NUAK2: variants seen among roughly 807,000 people sequenced by gnomAD.
NUAK2 encodes the protein NUAK family SNF1-like kinase 2.
NUAK2 carries 20 observed loss-of-function variants against 29.8 expected under a neutral mutation model. The observed-to-expected ratio is 0.67, with a 90% CI of 0.47 to 0.98. The LOEUF (loss-of-function observed/expected upper bound fraction) is 0.98, where lower values mean the gene tolerates loss of function less well. Ranked by LOEUF, NUAK2 falls within the 50% of genes least tolerant of loss-of-function variation. The probability of loss-of-function intolerance (pLI) is 0.00; values close to 1 mark genes in which losing one functional copy is unlikely to be tolerated. For missense variants in NUAK2, 719 were observed against 834.5 expected (o/e 0.86, Z 1.71); for synonymous variants, 331 against 342.6 (o/e 0.97, Z 0.37).
At chr1:205,320,343 C>G (rs1367758298) in intron 1 of NUAK2, among the ~76,000 whole-genome samples, 2 of 152,218 alleles carry the variant, frequency 1.3e-5, no homozygotes, top group South Asian at 2.1e-4. Flanking sequence ...CGGCTCACTG[C>G]AAGCTCCGCC....
At chr1:205,321,331 C>G in intron 1 of NUAK2, 67 bp downstream of exon 1, 1 of 1,391,472 alleles carries the variant, frequency 7.2e-7, no homozygotes, top group Non-Finnish European at 9.6e-7. Flanking sequence ...GCCGCCCGCC[C>G]TCCTCCGCTC....
In NUAK2 at chr1:205,303,964, C is replaced by T; in HGVS notation, c.1373G>A (p.Gly458Asp). 6.2e-7 allele frequency: 1 copy of T among 1,613,944 alleles called. No individual in the cohort carries two copies. Among genetic ancestry groups the T allele is most frequent in the Non-Finnish European group, 8.5e-7 (1 of 1,179,990 alleles). The change falls in exon 7 of 7, where the codon GGC (glycine) becomes GAC (aspartate). Residue 458 changes from glycine to aspartate, a missense_variant. Physicochemically the swap from Gly to Asp is moderately conservative, Grantham distance 94. Around this residue, in one of 3 missense-constraint regions of NUAK2, gnomAD observed 430 missense variants for 465.7 expected, o/e 0.92. Coordinates refer to ENST00000367157, the MANE Select transcript of NUAK2 (RefSeq NM_030952.3). Reference protein sequence around the residue: ...ILKKPRQRESGYYSSPEPSES... With the variant: ...ILKKPRQRESDYYSSPEPSES... ...ACTGGGCTCGGGAGAGGAGTAGTAG[C>T]CAGACTCGCGCTGTCGGGGCTTCTT... is the stretch of plus-strand genomic sequence containing the variant.
rs1574890505 is a variant in NUAK2 at position 205,305,522 on chromosome 1, A to G, written c.691-191T>C. The G allele has an allele frequency of 4.1e-6, 4 of 985,304 alleles. No individual in the cohort carries two copies. In the East Asian group the frequency reaches 4.5e-4, roughly 112 times the overall value. The allele number at this position is 985,304 out of a possible 1,614,324, so 61.0% of individuals were successfully genotyped here. A position where few individuals can be genotyped will look rare whatever the true frequency, so the allele number is the denominator to read the frequency against. ...CCTGCGAGGGACAGCCACAAGCACAAGAGCTACAGCCAGGTCATCTCTTCC... is the reference window on the plus strand; with the variant it reads ...CCTGCGAGGGACAGCCACAAGCACAGGAGCTACAGCCAGGTCATCTCTTCC... On this transcript the variant is annotated intron_variant, in intron 5 of 6. Coordinates refer to ENST00000367157, the MANE Select transcript of NUAK2 (RefSeq NM_030952.3).
rs1662083613 is a variant in NUAK2 at position 205,302,206 on chromosome 1, T to C, written c.*1244A>G. ...GTGGAAATAGTTGCAAAAATATCTCTCTGTACACAAAACTTAGATGTCATA... is the reference window on the plus strand; with the variant it reads ...GTGGAAATAGTTGCAAAAATATCTCCCTGTACACAAAACTTAGATGTCATA... On this transcript the variant is annotated 3_prime_UTR_variant, in exon 7 of 7. Transcript: ENST00000367157. 1 of 152,594 alleles carries C rather than the reference T, an allele frequency of 6.6e-6. No homozygotes were observed. Among genetic ancestry groups the C allele is most frequent in the Admixed American group, 6.5e-5 (1 of 15,280 alleles). 9.5% of individuals were successfully genotyped at this position (152,594 alleles called of 1,614,324 possible). A position where few individuals can be genotyped will look rare whatever the true frequency, so the allele number is the denominator to read the frequency against.
chr1:205,316,466 C>T (rs1662330520), intron 1 of NUAK2, among the ~76,000 whole-genome samples: 1 of 152,106 alleles, frequency 6.6e-6, no homozygotes, highest in South Asian at 2.1e-4. Flanking sequence ...ACTTCCTTTG[C>T]CCATAGGAGG....
rs368322230 is a variant in NUAK2 at position 205,321,593 on chromosome 1, G to C, written c.36C>G (p.Pro12=). 22 of 1,612,272 alleles carry C rather than the reference G, an allele frequency of 1.4e-5. No individual in the cohort carries two copies. Among genetic ancestry groups the C allele is most frequent in the Non-Finnish European group, 1.9e-5 (22 of 1,179,770 alleles). The change falls in exon 1 of 7, where the codon CCC becomes CCG. Residue 12 remains proline, a synonymous_variant. Transcript: ENST00000367157. ...GGGCTAGCTCTGCGGCCGAGGGAGT[G>C]GGGCCGGAGCGCCGCGCGAAAACCA... The part of the protein sequence containing the change: ...ESLVFARRSG[P]TPSAAELARP...
rs764446254 is a variant in NUAK2, at chr1:205,308,675, A to G, written c.410T>C (p.Leu137Pro). 1.2e-6 allele frequency: 2 copies of G among 1,614,110 alleles called. No homozygotes were observed. The highest frequency in any genetic ancestry group is 1.7e-6 in the Non-Finnish European group (2 of 1,180,018). Residue 137 changes from leucine to proline, a missense_variant, in exon 3 of 7, where the codon CTT (leucine) becomes CCT (proline). By Grantham distance (98) the Leu-to-Pro change is moderately conservative. This residue lies in a region of NUAK2 where 283 missense variants were observed against 345.6 expected (regional missense o/e 0.82). Transcript: ENST00000367157. The surrounding 1 kb of genome is among the most constrained non-coding windows in gnomAD (Gnocchi z 4.1). Reference protein sequence around the residue: ...IVMEYASRGDLYDYISERQQL... With the variant: ...IVMEYASRGDPYDYISERQQL... ...CTGCCGCTCGCTGATGTAGTCATAA[A>G]GGTCGCCCCGGCTGGCATACTCCAT...
intron 1 of NUAK2, among the ~76,000 whole-genome samples, chr1:205,318,827 C>T (rs988983904): frequency 1.3e-5 from 2 of 152,248 alleles, no homozygotes; most frequent in Non-Finnish European, 2.9e-5. Context: ...CCTCCTAGAG[C>T]AGCCATTAGT....
Position 205,303,585 on chromosome 1 carries a change from G to C in NUAK2, c.1752C>G (p.Pro584=), listed in dbSNP as rs1474282946. ...TCAGGCAGCTTCCAGGGCCCTCTGA[G>C]GGGGGCTCCTCAAGCCCCGTGAGGT... is the stretch of plus-strand genomic sequence containing the variant. ...VDNLTGLEEP[P]SEGPGSCLRR... The change falls in exon 7 of 7, where the codon CCC becomes CCG. Residue 584 remains proline, a synonymous_variant. Transcript: ENST00000367157. 2.5e-6 allele frequency: 4 copies of C among 1,613,108 alleles called. No homozygotes were observed. Among genetic ancestry groups the C allele is most frequent in the South Asian group, 1.1e-5 (1 of 90,976 alleles).
In NUAK2 at chr1:205,304,292, T is replaced by C; in HGVS notation, c.1045A>G (p.Lys349Glu). The change falls in exon 7 of 7, where the codon AAG becomes GAG. Residue 349 changes from lysine (K) to glutamate (E), a missense_variant. Transcript: ENST00000367157. The surrounding 1 kb of genome is among the most constrained non-coding windows in gnomAD (Gnocchi z 6.5). ...SSRPLLENGA[K>E]VCSFFKQHAP... ...TGCTGCTTGAAGAAGCTGCACACCT[T>C]GGCCCCATTCTCCAGGAGGGGGCGG... 6.2e-7 allele frequency: 1 copy of C among 1,613,050 alleles called. No homozygotes were observed.
chr1:205,311,967 G>GA, intron 1 of NUAK2, 142 bp from the exon 2 acceptor site: 3 of 1,074,478 alleles, frequency 2.8e-6, no homozygotes, highest in South Asian at 1.5e-5. Flanking sequence ...ACCAGTGTAG[G>GA]TGGCAGAGAG....
intron 1 of NUAK2, among the ~76,000 whole-genome samples, chr1:205,315,340 C>A (rs1425154282): frequency 6.6e-6 from 1 of 152,218 alleles, no homozygotes; most frequent in Non-Finnish European, 1.5e-5. Context: ...CAGGCCTAGA[C>A]AGAGCTCAGC....
intron 1 of NUAK2, among the ~76,000 whole-genome samples, chr1:205,314,185 C>T (rs535930955): frequency 2.6e-5 from 4 of 152,282 alleles, no homozygotes; most frequent in South Asian, 4.1e-4. Context: ...ACCCCGGCAA[C>T]GGGCCAGGGA....
chr1:205,306,711 C>T (rs1027515531), intron 4 of NUAK2, among the ~76,000 whole-genome samples: 1 of 152,184 alleles, frequency 6.6e-6, no homozygotes, highest in Non-Finnish European at 1.5e-5. Flanking sequence ...ACAGACTGTA[C>T]ACTCCCATGC....
intron 2 of NUAK2, among the ~76,000 whole-genome samples, chr1:205,310,759 C>T (rs1351750534): frequency 6.6e-6 from 1 of 152,190 alleles, no homozygotes; most frequent in Non-Finnish European, 1.5e-5. Flanking sequence ...CCCCACTCTT[C>T]CCTGAGGGAA....
Position 205,321,707 on chromosome 1 carries a change from C to T in NUAK2, c.-79G>A, listed in dbSNP as rs1662423760. 2.6e-6 allele frequency: 3 copies of T among 1,166,132 alleles called. No individual in the cohort carries two copies. Among genetic ancestry groups the T allele is most frequent in the Admixed American group, 4.4e-5 (2 of 45,950 alleles). The allele number at this position is 1,166,132 out of a possible 1,614,324, so 72.2% of individuals were successfully genotyped here. Reference sequence around the variant, plus strand: ...GGGCTGAAGCGCGGGGCACAGGTCCCGCACCAGGACGGGGAGCCACAGCAG... The same window carrying T: ...GGGCTGAAGCGCGGGGCACAGGTCCTGCACCAGGACGGGGAGCCACAGCAG... On this transcript the variant is annotated 5_prime_UTR_variant, in exon 1 of 7. Transcript: ENST00000367157.
chr1:205,303,794 G>A lies in NUAK2; in HGVS notation c.1543C>T (p.Leu515Phe). 1 of 1,573,132 alleles carries A rather than the reference G, an allele frequency of 6.4e-7. No individual in the cohort carries two copies. The highest frequency in any genetic ancestry group is 8.6e-7 in the Non-Finnish European group (1 of 1,159,776). Reference protein sequence around the residue: ...NGKFSQTALELAAPTTFGSLD... With the variant: ...NGKFSQTALEFAAPTTFGSLD... ...GAGCCGAAGGTGGTGGGGGCCGCGA[G>A]CTCCAAGGCTGTCTGGGAGAACTTG... The change falls in exon 7 of 7, where the codon CTC (leucine) becomes TTC (phenylalanine). Residue 515 changes from leucine (L) to phenylalanine (F), a missense_variant. Transcript: ENST00000367157.
rs1662106341 is a variant in NUAK2 at position 205,303,019 on chromosome 1, T to C, written c.*431A>G. 6.5e-6 allele frequency: 1 copy of C among 154,160 alleles called. No homozygotes were observed. The highest frequency in any genetic ancestry group is 2.4e-5 in the African/African-American group (1 of 41,512). 9.5% of individuals were successfully genotyped at this position (154,160 alleles called of 1,614,324 possible). ...TTCTGGTGGTTGGTAGGAACGGGAA[T>C]GTGTGTGTAAAGAGGTCTGGCCCCA... On this transcript the variant is annotated 3_prime_UTR_variant, in exon 7 of 7. Coordinates refer to ENST00000367157, the MANE Select transcript of NUAK2 (RefSeq NM_030952.3).
chr1:205,303,755 C>A lies in NUAK2; in HGVS notation c.1582G>T (p.Ala528Ser), dbSNP rs574001744. ...GCCCGGGCCAGGGGGCGAGGTGGGG[C>A]GAGTTCATCCAGGGAGCCGAAGGTG... ...PTTFGSLDELAPPRPLARASR... is the reference protein window; with the variant it reads ...PTTFGSLDELSPPRPLARASR... Residue 528 changes from alanine (A) to serine (S), a missense_variant, in exon 7 of 7, where the codon GCC (alanine) becomes TCC (serine). By Grantham distance (99) the Ala-to-Ser change is moderately conservative. Transcript: ENST00000367157. 3 of 1,545,176 alleles carry A rather than the reference C, an allele frequency of 1.9e-6. No individual in the cohort carries two copies. Among genetic ancestry groups the A allele is most frequent in the Non-Finnish European group, 2.6e-6 (3 of 1,146,920 alleles).
Sources: allele counts gnomAD v4.1 joint callset (sites outside exome capture counted in the v4.1 genomes callset), GRCh38; gene constraint gnomAD v4.1.1; regional missense constraint gnomAD v4.1.1; non-coding constraint Gnocchi (gnomAD v3.1); transcripts MANE v1.5; gene names NCBI Gene and HGNC (gene_info 2026-07-23, HGNC 2026-07-21).